The following PCOLCE2 variants were observed in gnomAD, a reference collection of about 807,000 sequenced individuals.
PCOLCE2 encodes the protein procollagen C-endopeptidase enhancer 2, also known as procollagen C-proteinase enhancer 2.
In PCOLCE2, 42 loss-of-function variants were observed where a neutral mutation model predicts 47.0. The observed-to-expected ratio is 0.89, with a 90% CI of 0.70 to 1.16. The LOEUF is 1.16. PCOLCE2 is among the 50% of genes most tolerant of loss of function. The probability of loss-of-function intolerance (pLI) is 0.00; values close to 1 mark genes in which losing one functional copy is unlikely to be tolerated. For missense variants in PCOLCE2, 500 were observed against 526.1 expected (o/e 0.95, Z 0.49); for synonymous variants, 169 against 191.7 (o/e 0.88, Z 0.98).
At chr3:142,868,798 T>C (rs1208536990) in intron 2 of PCOLCE2, among the ~76,000 whole-genome samples, 1 of 152,236 alleles carries the variant, frequency 6.6e-6, no homozygotes, top group Non-Finnish European at 1.5e-5. Context: ...TTGTCAAGTG[T>C]GTGCTCACCA....
chr3:142,873,767 T>A (rs926900212), intron 2 of PCOLCE2, among the ~76,000 whole-genome samples: 2 of 152,206 alleles, frequency 1.3e-5, no homozygotes, highest in Admixed American at 1.3e-4. Context: ...ACTGACTGAC[T>A]GATAGTCACT....
chr3:142,831,265 A>G (rs1937148256), intron 5 of PCOLCE2, among the ~76,000 whole-genome samples: 2 of 152,208 alleles, frequency 1.3e-5, no homozygotes, highest in Non-Finnish European at 2.9e-5. Context: ...TTAATGGATT[A>G]ATGGGCAATC....
At chr3:142,835,728 G>A (rs1478930413) in intron 5 of PCOLCE2, among the ~76,000 whole-genome samples, 2 of 152,050 alleles carry the variant, frequency 1.3e-5, no homozygotes, top group Non-Finnish European at 1.5e-5. Context: ...GTGTGGCATC[G>A]ATCTCCTGGG....
intron 2 of PCOLCE2, among the ~76,000 whole-genome samples, chr3:142,858,209 A>G (rs575229916): frequency 7.2e-5 from 11 of 152,228 alleles, no homozygotes; most frequent in African/African-American, 2.6e-4. Context: ...CAGGTCTCAC[A>G]GGTGTCTGCA....
At position 142,842,887 on chromosome 3, in the gene PCOLCE2, A is replaced by C. The variant is rs1937279458; in HGVS notation, c.573+37T>G. 2 of 1,610,992 alleles carry C rather than the reference A, an allele frequency of 1.2e-6. No individual in the cohort carries two copies. Among genetic ancestry groups the C allele is most frequent in the Non-Finnish European group, 8.5e-7 (1 of 1,177,850 alleles). On this transcript the variant is annotated intron_variant, in intron 4 of 8. Coordinates refer to ENST00000295992, the MANE Select transcript of PCOLCE2 (RefSeq NM_013363.4). The surrounding 1 kb of genome is among the most constrained non-coding windows in gnomAD (Gnocchi z 4.1). Reference sequence around the variant, plus strand: ...GGGCCCCCCACACTGGGCAATTCACACATGCATGCTTTCTTCACACTTCCA... The same window carrying C: ...GGGCCCCCCACACTGGGCAATTCACCCATGCATGCTTTCTTCACACTTCCA...
chr3:142,836,188 C>G (rs964601220), intron 5 of PCOLCE2, among the ~76,000 whole-genome samples: 8 of 152,184 alleles, frequency 5.3e-5, no homozygotes, highest in African/African-American at 1.7e-4. Flanking sequence ...AAATTCTCAT[C>G]GGAGACTATC....
chr3:142,861,026 G>GTA (rs1317929811), intron 2 of PCOLCE2, among the ~76,000 whole-genome samples: 1 of 152,140 alleles, frequency 6.6e-6, no homozygotes, highest in Non-Finnish European at 1.5e-5. Context: ...TCTTACCAAA[G>GTA]GTGTACAGAG....
chr3:142,873,646 T>C (rs1273062184), intron 2 of PCOLCE2, among the ~76,000 whole-genome samples: 1 of 152,176 alleles, frequency 6.6e-6, no homozygotes, highest in African/African-American at 2.4e-5. Flanking sequence ...ACATAGGAGC[T>C]TCAGTTAATG....
At chr3:142,887,434 T>C (rs970567956) in intron 2 of PCOLCE2, 3 of 383,882 alleles carry the variant, frequency 7.8e-6, no homozygotes, top group African/African-American at 6.2e-5. Flanking sequence ...ACACATCTGC[T>C]CTGAGAATTT....
rs562055870 is a variant in PCOLCE2, at chr3:142,854,202, G to A, written c.193-5730C>T. On this transcript the variant is annotated intron_variant, in intron 2 of 8. Transcript: ENST00000295992. ...ACTTTGATCAAAAAGAACTGTTTTTGCAGCACGTGATTTTTTTTTAAGCCA... is the reference window on the plus strand; with the variant it reads ...ACTTTGATCAAAAAGAACTGTTTTTACAGCACGTGATTTTTTTTTAAGCCA... Among the ~76,000 whole-genome samples the A allele has an allele frequency of 6.1e-4, 54 of 88,642 alleles. No individual in the cohort carries two copies. In the Middle Eastern group the frequency reaches 0.034, roughly 56 times the overall value. 58.2% of individuals were successfully genotyped at this position (88,642 alleles called of 152,430 possible). A position where few individuals can be genotyped will look rare whatever the true frequency, so the allele number is the denominator to read the frequency against.
chr3:142,819,689 A>G (rs1936990685), intron 8 of PCOLCE2, among the ~76,000 whole-genome samples: 1 of 152,142 alleles, frequency 6.6e-6, no homozygotes, highest in Non-Finnish European at 1.5e-5. Flanking sequence ...TCTGCCACCC[A>G]GGCTGGAGTG....
At chr3:142,860,042 C>G (rs1401173921) in intron 2 of PCOLCE2, among the ~76,000 whole-genome samples, 2 of 151,608 alleles carry the variant, frequency 1.3e-5, no homozygotes, top group African/African-American at 4.9e-5. Context: ...GTTTTTAAAT[C>G]CAATTATTAT....
At chr3:142,829,573 AG>A in intron 6 of PCOLCE2, 118 bp downstream of exon 6, 1 of 711,672 alleles carries the variant, frequency 1.4e-6, no homozygotes, top group Non-Finnish European at 2.3e-6. Context: ...CTCTTACCAA[AG>A]CTTTCATCCT....
chr3:142,852,021 G>T (rs1251592276), intron 2 of PCOLCE2, among the ~76,000 whole-genome samples: 1 of 152,128 alleles, frequency 6.6e-6, no homozygotes, highest in Non-Finnish European at 1.5e-5. Context: ...TAGAAACTGG[G>T]TTACATCATT....
intron 5 of PCOLCE2, among the ~76,000 whole-genome samples, chr3:142,831,560 T>C (rs911235436): frequency 5.9e-5 from 9 of 152,234 alleles, no homozygotes; most frequent in Admixed American, 5.9e-4. Context: ...ATTTAAATAA[T>C]GCTTCTGAGA....
At chr3:142,843,434 T>C (rs1937290254) in intron 3 of PCOLCE2, 3 of 377,940 alleles carry the variant, frequency 7.9e-6, no homozygotes, top group Non-Finnish European at 1.5e-5. Context: ...GGGACAAAAT[T>C]TGAATTAGTT....
intron 3 of PCOLCE2, 52 bp downstream of exon 3, chr3:142,848,165 A>G: frequency 6.3e-7 from 1 of 1,578,204 alleles, no homozygotes; most frequent in Non-Finnish European, 8.7e-7. Context: ...TCAAGTGCCA[A>G]GAACAGTGAA....
At chr3:142,844,716 T>C (rs1054382254) in intron 3 of PCOLCE2, among the ~76,000 whole-genome samples, 1 of 152,216 alleles carries the variant, frequency 6.6e-6, no homozygotes, top group South Asian at 2.1e-4. Context: ...TCCAAGTGTT[T>C]TGCCAATTTT....
Position 142,823,573 on chromosome 3 carries a change from C to T in PCOLCE2, c.908G>A (p.Arg303Gln), listed in dbSNP as rs147612568. Residue 303 changes from arginine to glutamine, a missense_variant, in exon 7 of 9, where the codon CGG (arginine) becomes CAG (glutamine). By Grantham distance (43) the Arg-to-Gln change is conservative. Transcript: ENST00000295992. ...TVALCQQKCR[R>Q]TGTLEGNYCS... ...ATAATTGCCCTCCAGAGTCCCCGTC[C>T]GTCTACACTTTTGTTGACACAAGGC... 1.5e-3 allele frequency: 2,370 copies of T among 1,611,088 alleles called. 3 individuals are homozygous for T. The highest frequency in any genetic ancestry group is 5.9e-3 in the African/African-American group (441 of 74,920).
Sources: gnomAD v4.1 joint callset for allele counts (sites outside exome capture counted in the v4.1 genomes callset) on GRCh38, gnomAD v4.1.1 for gene constraint, Gnocchi (gnomAD v3.1) non-coding constraint, MANE v1.5 for transcripts, NCBI Gene and HGNC (gene_info 2026-07-23, HGNC 2026-07-21) for gene names.